TNRC6C: variants seen among roughly 807,000 people sequenced by gnomAD.
TNRC6C encodes the protein trinucleotide repeat containing adaptor 6C, also known as trinucleotide repeat-containing gene 6C protein.
A neutral mutation model predicts 153.7 loss-of-function variants in TNRC6C; 20 were observed. That is an observed-to-expected ratio of 0.13 (90% CI 0.09 to 0.19). TNRC6C has a LOEUF of 0.19. Ranked by LOEUF, TNRC6C falls within the 10% of genes least tolerant of loss-of-function variation. The pLI, the probability that TNRC6C is intolerant of heterozygous loss-of-function variation, is 1.00. For missense variants in TNRC6C, 1,987 were observed against 2,172.0 expected (o/e 0.91, Z 1.69); for synonymous variants, 811 against 841.4 (o/e 0.96, Z 0.63).
chr17:78,075,171 C>T lies in TNRC6C; in HGVS notation c.2953C>T (p.Arg985Cys), dbSNP rs1271015402. ...GGAAAAGAAGGTGGACGTGGACAAGCGTGGGCTGGGAGTGACCGACCATAA... is the reference window on the plus strand; with the variant it reads ...GGAAAAGAAGGTGGACGTGGACAAGTGTGGGCTGGGAGTGACCGACCATAA... The change falls in exon 8 of 20, where the codon CGT becomes TGT. Residue 985 changes from arginine (R) to cysteine (C), a missense_variant. This residue lies in a region of TNRC6C where 765 missense variants were observed against 908.6 expected (regional missense o/e 0.84). Transcript: ENST00000301624. The surrounding 1 kb of genome is among the most constrained non-coding windows in gnomAD (Gnocchi z 4.2). The T allele has an allele frequency of 1.9e-6, 3 of 1,612,842 alleles. No individual in the cohort carries two copies. Among genetic ancestry groups the T allele is most frequent in the African/African-American group, 1.3e-5 (1 of 74,920 alleles).
intron 13 of TNRC6C, among the ~76,000 whole-genome samples, chr17:78,089,240 T>A (rs886805193): frequency 2.0e-5 from 3 of 152,202 alleles, no homozygotes; most frequent in Non-Finnish European, 4.4e-5. Context: ...AGTGTTGGGA[T>A]TACAGGCGTG....
At chr17:78,077,629 T>C (rs956408443) in intron 9 of TNRC6C, 14 of 422,604 alleles carry the variant, frequency 3.3e-5, no homozygotes, top group Admixed American at 7.8e-5. Context: ...TGCACAGTGG[T>C]CTTCGGCTGC....
chr17:78,098,484 C>T, exon 17 of TNRC6C: 2 of 1,613,960 alleles, frequency 1.2e-6, no homozygotes, highest in Non-Finnish European at 1.7e-6. Context: ...AATCCCAAGC[C>T]CTCCTCCACC....
In TNRC6C at chr17:77,973,017, T is replaced by C. The variant is rs572824519; in HGVS notation, c.-38+13749T>C. 5.3e-5 allele frequency among the ~76,000 whole-genome samples: 8 copies of C among 152,352 alleles called. No homozygotes were observed. In the East Asian group the frequency reaches 1.3e-3, roughly 26 times the overall value. On this transcript the variant is annotated intron_variant, in intron 1 of 22. Transcript: ENST00000636222. ...GCCTCCCAGGTTCAAGCGATTCTCC[T>C]GCCTCAGCCTCCTGCGTAGCTGGGA... is the stretch of plus-strand genomic sequence containing the variant.
chr17:77,991,522 C>G (rs1318977515), intron 1 of TNRC6C, among the ~76,000 whole-genome samples: 1 of 152,122 alleles, frequency 6.6e-6, no homozygotes, highest in African/African-American at 2.4e-5. Flanking sequence ...ACGTAAACTT[C>G]CAGGGCATGA....
intron 13 of TNRC6C, among the ~76,000 whole-genome samples, chr17:78,088,085 C>T (rs551136370): frequency 6.6e-6 from 1 of 152,282 alleles, no homozygotes; most frequent in South Asian, 2.1e-4. Flanking sequence ...GAATTTGCTG[C>T]CAGCAGATAA....
exon 17 of TNRC6C, chr17:78,098,526 C>T: frequency 6.2e-7 from 1 of 1,612,908 alleles, no homozygotes; most frequent in Non-Finnish European, 8.5e-7. Flanking sequence ...TGGACCAGCT[C>T]CTACTCCTCG....
At chr17:78,101,600 G>A (rs763631089) in intron 17 of TNRC6C, among the ~76,000 whole-genome samples, 35 of 152,116 alleles carry the variant, frequency 2.3e-4, no homozygotes, top group Non-Finnish European at 4.4e-4. Context: ...CTTCAGAGCT[G>A]AGAGCCCTAA....
At chr17:78,074,031 A>G (rs1229548770) in intron 7 of TNRC6C, among the ~76,000 whole-genome samples, 1 of 152,180 alleles carries the variant, frequency 6.6e-6, no homozygotes, top group South Asian at 2.1e-4. Context: ...ATTCATGATC[A>G]TTGAACTCAG....
chr17:77,958,922 C>T (rs2070835731), upstream of TNRC6C, among the ~76,000 whole-genome samples: 1 of 146,540 alleles, frequency 6.8e-6, no homozygotes, highest in African/African-American at 2.5e-5. Flanking sequence ...GCGGAGCGGC[C>T]CCGCGCCCAG....
chr17:78,077,082 ATTAT>A (rs1376959425), intron 8 of TNRC6C, 99 bp from the exon 11 acceptor site: 10 of 1,318,024 alleles, frequency 7.6e-6, no homozygotes, highest in African/African-American at 1.5e-5. Context: ...TGATCTGTTA[ATTAT>A]TTATCCATCC....
At chr17:77,997,953 C>T (rs1185637298) in intron 1 of TNRC6C, among the ~76,000 whole-genome samples, 1 of 152,156 alleles carries the variant, frequency 6.6e-6, no homozygotes. Context: ...TGCGCCTGGC[C>T]GACAACCATT....
chr17:78,075,050 C>T lies in TNRC6C; in HGVS notation c.2918-86C>T, dbSNP rs1257992328. 41 of 1,521,422 alleles carry T rather than the reference C, an allele frequency of 2.7e-5. No homozygotes were observed. Among genetic ancestry groups the T allele is most frequent in the Non-Finnish European group, 3.6e-5 (40 of 1,123,404 alleles). 94.2% of individuals were successfully genotyped at this position (1,521,422 alleles called of 1,614,324 possible). ...TTGAAGGGGTGGAGGGTCTCCATCC[C>T]TCCTTGAGGCCTTAGCTGGTGCCTA... is the stretch of plus-strand genomic sequence containing the variant. On this transcript the variant is annotated intron_variant, in intron 7 of 19. Transcript: ENST00000301624. The surrounding 1 kb of genome is among the most constrained non-coding windows in gnomAD (Gnocchi z 4.2).
At chr17:78,091,483 C>T (rs541416203) in exon 14 of TNRC6C, 29 of 1,607,778 alleles carry the variant, frequency 1.8e-5, no homozygotes, top group East Asian at 1.4e-4. Context: ...TGGACATGAC[C>T]GGTGGCTTGT....
At chr17:78,035,682 G>A (rs1192009878) in intron 2 of TNRC6C, among the ~76,000 whole-genome samples, 1 of 152,144 alleles carries the variant, frequency 6.6e-6, no homozygotes, top group African/African-American at 2.4e-5. Flanking sequence ...CTAAAACAGT[G>A]CAGTAAAGCT....
chr17:78,098,509 C>A, exon 17 of TNRC6C: 1 of 1,613,636 alleles, frequency 6.2e-7, no homozygotes, highest in Middle Eastern at 1.7e-4. Flanking sequence ...GTGCCAGCCC[C>A]CTCGGCTGGA....
At chr17:78,007,010 T>G (rs1410032303) in intron 1 of TNRC6C, among the ~76,000 whole-genome samples, 1 of 147,950 alleles carries the variant, frequency 6.8e-6, no homozygotes, top group Non-Finnish European at 1.5e-5. Flanking sequence ...CCCAGCTAAT[T>G]TTTTGTATTT....
At position 78,094,470 on chromosome 17, in the gene TNRC6C, G is replaced by A. The variant is rs944838221; in HGVS notation, c.4306+707G>A. On this transcript the variant is annotated intron_variant, in intron 16 of 19. Transcript: ENST00000301624. Reference sequence around the variant, plus strand: ...TTTTTTTTTTTTGAGACAGATTCTCGCTCTCTTGCCCAGGCTGGAGTATAG... The same window carrying A: ...TTTTTTTTTTTTGAGACAGATTCTCACTCTCTTGCCCAGGCTGGAGTATAG... 6.3e-5 allele frequency among the ~76,000 whole-genome samples: 9 copies of A among 143,652 alleles called. No homozygotes were observed. In the East Asian group the frequency reaches 8.1e-4, roughly 13 times the overall value. 94.2% of individuals were successfully genotyped at this position (143,652 alleles called of 152,430 possible).
At position 78,014,007 on chromosome 17, in the gene TNRC6C, T is replaced by G. The variant is rs557037772; in HGVS notation, c.-546+8928T>G. On this transcript the variant is annotated intron_variant, in intron 1 of 19. Coordinates refer to ENST00000301624, the Ensembl canonical transcript of TNRC6C. Reference sequence around the variant, plus strand: ...TCTCTCCTCCTGCACCAGCCTTGTCTTACTAAATGTTGGAGTAGTTTAACT... The same window carrying G: ...TCTCTCCTCCTGCACCAGCCTTGTCGTACTAAATGTTGGAGTAGTTTAACT... 3.3e-5 allele frequency among the ~76,000 whole-genome samples: 5 copies of G among 152,370 alleles called. No individual in the cohort carries two copies. The South Asian group carries it at 1.0e-3, about 32-fold the overall frequency.
Sources: gnomAD v4.1 joint callset for allele counts (sites outside exome capture counted in the v4.1 genomes callset) on GRCh38, gnomAD v4.1.1 for gene constraint, gnomAD v4.1.1 regional missense constraint, Gnocchi (gnomAD v3.1) non-coding constraint, MANE v1.5 for transcripts, NCBI Gene and HGNC (gene_info 2026-07-23, HGNC 2026-07-21) for gene names.